PRRC2C: variants seen among roughly 807,000 people sequenced by gnomAD.
PRRC2C encodes the protein proline rich coiled-coil 2C.
PRRC2C carries 72 observed loss-of-function variants against 317.2 expected under a neutral mutation model. The ratio of observed to expected loss-of-function variants is 0.23; its 90% CI spans 0.19 to 0.28. PRRC2C has a LOEUF of 0.28. PRRC2C is among the 10% of genes least tolerant of loss of function. The pLI, the probability that PRRC2C is intolerant of heterozygous loss-of-function variation, is 1.00. For missense variants in PRRC2C, 3,074 were observed against 3,459.7 expected (o/e 0.89, Z 2.80); for synonymous variants, 1,296 against 1,205.9 (o/e 1.07, Z -1.55).
At chr1:171,590,848 G>A (rs1416915811) in intron 34 of PRRC2C, among the ~76,000 whole-genome samples, 5 of 152,154 alleles carry the variant, frequency 3.3e-5, no homozygotes, top group Non-Finnish European at 5.9e-5. Flanking sequence ...TAACATTAGA[G>A]CTTAATAGTA....
intron 16 of PRRC2C, 45 bp from the exon 17 acceptor site, chr1:171,545,434 T>C (rs1678895566): frequency 1.5e-5 from 22 of 1,495,544 alleles, no homozygotes; most frequent in Non-Finnish European, 1.9e-5. Flanking sequence ...TTTTCTTTTG[T>C]TTGGGTAGGT....
At chr1:171,526,093 GA>G (rs1674515798) in intron 10 of PRRC2C, among the ~76,000 whole-genome samples, 1 of 152,188 alleles carries the variant, frequency 6.6e-6, no homozygotes, top group Non-Finnish European at 1.5e-5. Flanking sequence ...TAGAGGAATA[GA>G]TGGAATATGT....
chr1:171,509,180 C>T (rs777143949), intron 1 of PRRC2C, among the ~76,000 whole-genome samples: 1 of 152,210 alleles, frequency 6.6e-6, no homozygotes. Flanking sequence ...CCACCGTGCC[C>T]GGCCCAATTT....
intron 16 of PRRC2C, 115 bp from the exon 17 acceptor site, chr1:171,545,364 T>G: frequency 1.2e-6 from 1 of 848,304 alleles, no homozygotes; most frequent in Non-Finnish European, 1.8e-6. Flanking sequence ...CAGTTAAGAG[T>G]TTTCTATCCC....
intron 20 of PRRC2C, among the ~76,000 whole-genome samples, chr1:171,564,973 A>G (rs1683377628): frequency 6.6e-6 from 1 of 152,236 alleles, no homozygotes; most frequent in Admixed American, 6.5e-5. Context: ...TGACCATGCT[A>G]GGTTTAGGAA....
rs375443049 is a variant in PRRC2C at position 171,517,809 on chromosome 1, C to G, written c.745C>G (p.Pro249Ala). The change falls in exon 6 of 35, where the codon CCT becomes GCT. Residue 249 changes from proline (P) to alanine (A), a missense_variant. Around this residue, in one of 11 missense-constraint regions of PRRC2C, gnomAD observed 237 missense variants for 199.5 expected, o/e 1.19. Transcript: ENST00000647382. ...TTCCCAGTATAGAGCTATGATGCCTCCTTATGTGAGTATTGTTAAATGAAC... is the reference window on the plus strand; with the variant it reads ...TTCCCAGTATAGAGCTATGATGCCTGCTTATGTGAGTATTGTTAAATGAAC... Reference protein sequence around the residue: ...LASQYRAMMPPYMFQQYPRMT... With the variant: ...LASQYRAMMPAYMFQQYPRMT... 2.5e-6 allele frequency: 4 copies of G among 1,610,098 alleles called. No individual in the cohort carries two copies. The highest frequency in any genetic ancestry group is 3.4e-6 in the Non-Finnish European group (4 of 1,177,902).
chr1:171,572,715 T>C (rs1684992704), intron 24 of PRRC2C, among the ~76,000 whole-genome samples: 1 of 152,202 alleles, frequency 6.6e-6, no homozygotes. Flanking sequence ...GTTTTTATCA[T>C]TATACTAGCA....
intron 11 of PRRC2C, among the ~76,000 whole-genome samples, chr1:171,530,347 G>A (rs749017293): frequency 1.4e-5 from 2 of 145,384 alleles, no homozygotes; most frequent in Non-Finnish European, 3.0e-5. Flanking sequence ...GGGCTCAAGC[G>A]ATCCTCCTGC....
At chr1:171,591,389 T>TTTTAA in intron 34 of PRRC2C, 198 bp from the exon 35 acceptor site, 4 of 594,940 alleles carry the variant, frequency 6.7e-6, no homozygotes, top group East Asian at 4.1e-5. Context: ...TTTTTTTTTT[T>TTTTAA]AAATCACATG....
rs1023899842 is a variant in PRRC2C at position 171,517,792 on chromosome 1, A to G, written c.728A>G (p.Tyr243Cys). 4.3e-6 allele frequency: 7 copies of G among 1,613,178 alleles called. No homozygotes were observed. Among genetic ancestry groups the G allele is most frequent in the African/African-American group, 1.3e-5 (1 of 74,904 alleles). ...NGQQAALASQ[Y>C]RAMMPPYMFQ... ...CAGCAGGCTGCTCTCGCTTCCCAGT[A>G]TAGAGCTATGATGCCTCCTTATGTG... Residue 243 changes from tyrosine (Y) to cysteine (C), a missense_variant, in exon 6 of 35, where the codon TAT (tyrosine) becomes TGT (cysteine). Tyr to Cys is a radical substitution (Grantham distance 194, BLOSUM62 -2). Around this residue, in one of 11 missense-constraint regions of PRRC2C, gnomAD observed 237 missense variants for 199.5 expected, o/e 1.19. Coordinates refer to ENST00000647382, the MANE Select transcript of PRRC2C (RefSeq NM_001387844.1).
At chr1:171,503,044 G>A (rs1351555419) in intron 1 of PRRC2C, among the ~76,000 whole-genome samples, 3 of 152,112 alleles carry the variant, frequency 2.0e-5, no homozygotes. Flanking sequence ...GTTATCTAAG[G>A]TTTTAATGTC....
intron 15 of PRRC2C, 104 bp from the exon 16 acceptor site, chr1:171,539,867 G>T: frequency 1.0e-6 from 1 of 994,266 alleles, no homozygotes; most frequent in Admixed American, 2.4e-5. Context: ...TCTCATTATG[G>T]TTAAGAGTCA....
At chr1:171,561,157 G>A (rs1481801247) in intron 20 of PRRC2C, 54 bp downstream of exon 20, 1 of 1,459,194 alleles carries the variant, frequency 6.9e-7, no homozygotes, top group Admixed American at 1.7e-5. Flanking sequence ...TAATACTTCA[G>A]TGTGGCCGGG....
At chr1:171,513,481 G>T (rs758442639) in intron 3 of PRRC2C, 2 of 488,364 alleles carry the variant, frequency 4.1e-6, no homozygotes, top group South Asian at 3.1e-5. Context: ...ATTAAGAGTT[G>T]ACTCCGATAC....
Position 171,539,978 on chromosome 1 carries a change from G to T in PRRC2C, c.2512G>T (p.Ala838Ser), listed in dbSNP as rs890349143. 1 of 1,606,722 alleles carries T rather than the reference G, an allele frequency of 6.2e-7. No homozygotes were observed. The highest frequency in any genetic ancestry group is 8.5e-7 in the Non-Finnish European group (1 of 1,176,942). The change falls in exon 16 of 35, where the codon GCT (alanine) becomes TCT (serine). Residue 838 changes from alanine (A) to serine (S), a missense_variant. Around this residue, in one of 11 missense-constraint regions of PRRC2C, gnomAD observed 1,320 missense variants for 1,395.7 expected, o/e 0.95. Coordinates refer to ENST00000647382, the MANE Select transcript of PRRC2C (RefSeq NM_001387844.1). Reference protein sequence around the residue: ...TEEPEDVRSEAALDQEQITAA... With the variant: ...TEEPEDVRSESALDQEQITAA... Reference sequence around the variant, plus strand: ...GAATTCTTATCATCATAGGTCTGAAGCTGCGTTGGACCAGGAACAGATTAC... The same window carrying T: ...GAATTCTTATCATCATAGGTCTGAATCTGCGTTGGACCAGGAACAGATTAC...
intron 22 of PRRC2C, 100 bp from the exon 23 acceptor site, chr1:171,568,147 T>C (rs1033307512): frequency 1.1e-5 from 15 of 1,408,522 alleles, no homozygotes; most frequent in Non-Finnish European, 1.3e-5. Flanking sequence ...ATCATGCCAC[T>C]GCACTCCAGC....
At position 171,550,132 on chromosome 1, in the gene PRRC2C, T is replaced by A; in HGVS notation, c.5019T>A (p.Asp1673Glu). ...ATCCTGAAGTAACAGTAATTGAAGA[T>A]CCCCAGTCAAATTTGAATGATGATG... ...DDHPEVTVIEDPQSNLNDDGF... is the reference protein window; with the variant it reads ...DDHPEVTVIEEPQSNLNDDGF... The change falls in exon 18 of 35, where the codon GAT (aspartate) becomes GAA (glutamate). Residue 1673 changes from aspartate to glutamate, a missense_variant. Coordinates refer to ENST00000647382, the MANE Select transcript of PRRC2C (RefSeq NM_001387844.1). The A allele has an allele frequency of 6.2e-7, 1 of 1,608,590 alleles. No individual in the cohort carries two copies. Among genetic ancestry groups the A allele is most frequent in the Non-Finnish European group, 8.5e-7 (1 of 1,177,194 alleles).
At chr1:171,573,718 GCC>G (rs1685195265) in intron 24 of PRRC2C, among the ~76,000 whole-genome samples, 2 of 111,138 alleles carry the variant, frequency 1.8e-5, no homozygotes, top group African/African-American at 6.8e-5. Flanking sequence ...TCGTTCTGTC[GCC>G]CAGGCTGGAG....
intron 1 of PRRC2C, among the ~76,000 whole-genome samples, chr1:171,508,608 G>A (rs940498332): frequency 6.6e-6 from 1 of 152,074 alleles, no homozygotes; most frequent in African/African-American, 2.4e-5. Flanking sequence ...GAGTTAAATC[G>A]GATGTTCTAT....
Sources: gnomAD v4.1 joint callset for allele counts (sites outside exome capture counted in the v4.1 genomes callset) on GRCh38, gnomAD v4.1.1 for gene constraint, gnomAD v4.1.1 regional missense constraint, MANE v1.5 for transcripts, NCBI Gene and HGNC (gene_info 2026-07-23, HGNC 2026-07-21) for gene names.